The following COQ6 variants were observed in gnomAD, a reference collection of about 807,000 sequenced individuals.
COQ6 encodes the protein ubiquinone biosynthesis monooxygenase COQ6, mitochondrial.
COQ6 carries 45 observed loss-of-function variants against 55.5 expected under a neutral mutation model. The observed-to-expected ratio is 0.81, with a 90% CI of 0.64 to 1.04. COQ6 has a LOEUF of 1.04. COQ6 is among the 50% of genes least tolerant of loss of function. The probability of loss-of-function intolerance (pLI) is 0.00; values close to 1 mark genes in which losing one functional copy is unlikely to be tolerated. For synonymous variants in COQ6, 206 were observed against 230.5 expected (o/e 0.89, Z 0.96); for missense variants, 550 against 601.3 (o/e 0.91, Z 0.89).
chr14:73,960,613 T>C, intron 8 of COQ6: 1 of 1,041,272 alleles, frequency 9.6e-7, no homozygotes, highest in Non-Finnish European at 1.2e-6. Flanking sequence ...AATTGTCCTT[T>C]CTATGTAGCA....
At chr14:73,958,846 G>A in intron 5 of COQ6, 125 bp from the exon 6 acceptor site, 1 of 1,544,520 alleles carries the variant, frequency 6.5e-7, no homozygotes, top group Non-Finnish European at 8.7e-7. Context: ...GAGTGAAGCA[G>A]GCCTGATGGA....
rs986140624 is a variant in COQ6, at chr14:73,963,390, C to T, written c.*391C>T. On this transcript the variant is annotated 3_prime_UTR_variant, in exon 12 of 12. Transcript: ENST00000334571. ...TTTTGATAGAGGTAAGAATTAGACT[C>T]GATGCATTTTTGTTAGAATTGCTGT... is the stretch of plus-strand genomic sequence containing the variant. 21 of 301,536 alleles carry T rather than the reference C, an allele frequency of 7.0e-5. No individual in the cohort carries two copies. Among genetic ancestry groups the T allele is most frequent in the African/African-American group, 2.8e-4 (13 of 46,110 alleles). 18.7% of individuals were successfully genotyped at this position (301,536 alleles called of 1,614,324 possible). A position where few individuals can be genotyped will look rare whatever the true frequency, so the allele number is the denominator to read the frequency against.
rs756154994 is a variant in COQ6 at position 73,959,113 on chromosome 14, C to T, written c.720+35C>T. The T allele has an allele frequency of 1.8e-5, 29 of 1,614,044 alleles. No homozygotes were observed. The South Asian group carries it at 2.9e-4, about 16-fold the overall frequency. On this transcript the variant is annotated intron_variant, in intron 6 of 11. Transcript: ENST00000334571. The stretch of plus-strand genomic sequence containing the variant: ...TGAGCTGCCATCTGGGGACTTTATT[C>T]ATAGGCACTAGGTACTTCACAGAGA...
rs1029775676 is a variant in COQ6 at position 73,959,257 on chromosome 14, G to A, written c.783+33G>A. 2.5e-6 allele frequency: 4 copies of A among 1,614,104 alleles called. No individual in the cohort carries two copies. In the African/African-American group the frequency reaches 5.3e-5, roughly 22 times the overall value. On this transcript the variant is annotated intron_variant, in intron 7 of 11. Coordinates refer to ENST00000334571, the MANE Select transcript of COQ6 (RefSeq NM_182476.3). Reference sequence around the variant, plus strand: ...GTCCTTCTGACCAGTCCGCCCACATGCATGCAAGCCTTTCCTCTTCACTTT... The same window carrying A: ...GTCCTTCTGACCAGTCCGCCCACATACATGCAAGCCTTTCCTCTTCACTTT...
intron 5 of COQ6, 98 bp from the exon 6 acceptor site, chr14:73,958,873 A>G (rs1349989544): frequency 6.4e-7 from 1 of 1,560,668 alleles, no homozygotes; most frequent in Admixed American, 1.9e-5. Context: ...CTGCCACACA[A>G]CAATCAGAGC....
At chr14:73,950,035 G>A, upstream of COQ6, 2 of 1,611,952 alleles carry the variant, frequency 1.2e-6, no homozygotes, top group Non-Finnish European at 1.7e-6. Flanking sequence ...ATTTCAGCTG[G>A]ACAGAGGCAG....
rs1007858755 is a variant in COQ6 at position 73,961,235 on chromosome 14, C to T, written c.954C>T (p.Val318=). 4 of 1,614,034 alleles carry T rather than the reference C, an allele frequency of 2.5e-6. No homozygotes were observed. Among genetic ancestry groups the T allele is most frequent in the Non-Finnish European group, 3.4e-6 (4 of 1,180,024 alleles). Residue 318 remains valine, a synonymous_variant, in exon 9 of 12, where the codon GTC becomes GTT. Coordinates refer to ENST00000334571, the MANE Select transcript of COQ6 (RefSeq NM_182476.3). ...DTAGAMLQYA[V]SLLKPTKVSA... is the part of the protein sequence containing the mutation. ...CTGGTGCCATGCTGCAGTATGCTGTCAGCCTTCTGAAGCCCACTAAGGTCT... is the reference window on the plus strand; with the variant it reads ...CTGGTGCCATGCTGCAGTATGCTGTTAGCCTTCTGAAGCCCACTAAGGTCT...
intron 1 of COQ6, among the ~76,000 whole-genome samples, chr14:73,953,037 T>G (rs189316147): frequency 6.6e-6 from 1 of 152,242 alleles, no homozygotes. Context: ...TTTGCTTGTT[T>G]ATTCCACTTT....
intron 1 of COQ6, chr14:73,950,731 C>G: frequency 1.7e-6 from 1 of 579,524 alleles, no homozygotes; most frequent in Non-Finnish European, 3.0e-6. Flanking sequence ...GGAAAACAGG[C>G]CTTCCCGGGG....
chr14:73,950,400 C>G lies in COQ6; in HGVS notation c.68C>G (p.Ser23Cys), dbSNP rs1162078292. The change falls in exon 1 of 12, where the codon TCC becomes TGC. Residue 23 changes from serine (S) to cysteine (C), a missense_variant. Coordinates refer to ENST00000334571, the MANE Select transcript of COQ6 (RefSeq NM_182476.3). ...GCTCCCCACAGCGGCCCGCTGGTGT[C>G]CTGGCGCAGGTGGTCCGGCGCCTCA... ...RAAPHSGPLV[S>C]WRRWSGASTD... 1 of 1,587,248 alleles carries G rather than the reference C, an allele frequency of 6.3e-7. No individual in the cohort carries two copies. The highest frequency in any genetic ancestry group is 8.6e-7 in the Non-Finnish European group (1 of 1,166,998).
At chr14:73,959,376 A>G (rs1594805515) in intron 7 of COQ6, 39 bp from the exon 8 acceptor site, 1 of 1,614,146 alleles carries the variant, frequency 6.2e-7, no homozygotes, top group East Asian at 2.2e-5. Flanking sequence ...CAAGTGCAGC[A>G]GAGTCTTAGC....
intron 8 of COQ6, chr14:73,960,569 G>A (rs2056668970): frequency 9.8e-7 from 1 of 1,025,054 alleles, no homozygotes; most frequent in African/African-American, 1.7e-5. Flanking sequence ...CCTGGCACAG[G>A]TCTAGGTCCT....
At chr14:73,959,370 T>G (rs201900750) in intron 7 of COQ6, 45 bp from the exon 8 acceptor site, 1 of 1,614,222 alleles carries the variant, frequency 6.2e-7, no homozygotes. Context: ...AGTTTCCAAG[T>G]GCAGCAGAGT....
At chr14:73,956,228 T>A in intron 4 of COQ6, 1 of 351,140 alleles carries the variant, frequency 2.8e-6, no homozygotes, top group Non-Finnish European at 5.6e-6. Context: ...CTTGGGAGGC[T>A]GAGGCAGGAG....
At chr14:73,955,584 T>A (rs574301809) in intron 3 of COQ6, 75 bp downstream of exon 3, 83 of 1,462,562 alleles carry the variant, frequency 5.7e-5, no homozygotes, top group Non-Finnish European at 7.5e-5. Flanking sequence ...TTTCTCCAAG[T>A]GTTCTGTGAA....
intron 2 of COQ6, among the ~76,000 whole-genome samples, chr14:73,954,120 T>G (rs529489706): frequency 4.7e-4 from 72 of 152,370 alleles, no homozygotes; most frequent in African/African-American, 1.6e-3. Context: ...TTCATAATGC[T>G]TACTACTACC....
chr14:73,950,536 C>G (rs1206060151), intron 1 of COQ6, 41 bp downstream of exon 1: 4 of 1,566,204 alleles, frequency 2.6e-6, no homozygotes, highest in Non-Finnish European at 3.5e-6. Context: ...GAAACCGGGC[C>G]GCGGAGGCAC....
chr14:73,962,874 C>A, intron 11 of COQ6, 96 bp from the exon 12 acceptor site: 1 of 1,042,246 alleles, frequency 9.6e-7, no homozygotes, highest in Non-Finnish European at 1.5e-6. Flanking sequence ...AAAACAAGGA[C>A]ACTTGGGAAG....
At position 73,961,884 on chromosome 14, in the gene COQ6, A is replaced by C; in HGVS notation, c.1358A>C (p.Asn453Thr). The C allele has an allele frequency of 6.2e-7, 1 of 1,614,120 alleles. No homozygotes were observed. Among genetic ancestry groups the C allele is most frequent in the South Asian group, 1.1e-5 (1 of 91,074 alleles). ...AGGACGTGGGGCTTGCAGGCCACAA[A>C]TGCAGTGTCTCCACTCAAAGTAAGA... ...LLRTWGLQAT[N>T]AVSPLKEQIM... Residue 453 changes from asparagine to threonine, a missense_variant, in exon 11 of 12, where the codon AAT (asparagine) becomes ACT (threonine). Physicochemically the swap from Asn to Thr is moderately conservative, Grantham distance 65 (BLOSUM62 0). Transcript: ENST00000334571.
Sources: gnomAD v4.1 joint callset for allele counts (sites outside exome capture counted in the v4.1 genomes callset) on GRCh38, gnomAD v4.1.1 for gene constraint, MANE v1.5 for transcripts, NCBI Gene and HGNC (gene_info 2026-07-23, HGNC 2026-07-21) for gene names.